Variants in CACNB2 observed in about 807,000 individuals in gnomAD.
CACNB2 encodes voltage-dependent L-type calcium channel subunit beta-2.
In CACNB2, 42 loss-of-function variants were observed where a neutral mutation model predicts 73.3. The observed-to-expected ratio is 0.57, with a 90% CI of 0.45 to 0.74. The LOEUF (loss-of-function observed/expected upper bound fraction) is 0.74. CACNB2 is among the 30% of genes least tolerant of loss of function. The pLI is 0.00. For synonymous variants in CACNB2, 348 were observed against 310.3 expected (o/e 1.12, Z -1.28); for missense variants, 940 against 853.0 (o/e 1.10, Z -1.27).
At chr10:18,378,185 C>T (rs1318878826) in intron 2 of CACNB2, among the ~76,000 whole-genome samples, 2 of 152,096 alleles carry the variant, frequency 1.3e-5, no homozygotes, top group East Asian at 3.9e-4. Context: ...CTCCCTAGAC[C>T]TGAATGCACA....
At chr10:18,353,341 C>G (rs2041788953) in intron 2 of CACNB2, among the ~76,000 whole-genome samples, 1 of 151,444 alleles carries the variant, frequency 6.6e-6, no homozygotes, top group Non-Finnish European at 1.5e-5. Flanking sequence ...ACCTGGGAGG[C>G]AGAGTTTGCA....
chr10:18,173,783 A>G (rs867653400), intron 2 of CACNB2, among the ~76,000 whole-genome samples: 4 of 152,152 alleles, frequency 2.6e-5, no homozygotes, highest in Non-Finnish European at 5.9e-5. Flanking sequence ...TTAAGTTTGT[A>G]TCTGGTGGTA....
intron 2 of CACNB2, among the ~76,000 whole-genome samples, chr10:18,286,720 A>G (rs1011407067): frequency 6.6e-6 from 1 of 152,150 alleles, no homozygotes; most frequent in African/African-American, 2.4e-5. Flanking sequence ...TGTGATTGTG[A>G]TATATGTGAA....
chr10:18,386,205 C>A (rs1050705099), intron 2 of CACNB2, among the ~76,000 whole-genome samples: 1 of 151,914 alleles, frequency 6.6e-6, no homozygotes, highest in Non-Finnish European at 1.5e-5. Flanking sequence ...AGCTTAAAAC[C>A]GTTTCTTTTT....
chr10:18,513,918 T>C (rs1311175493), intron 6 of CACNB2, among the ~76,000 whole-genome samples: 3 of 152,238 alleles, frequency 2.0e-5, no homozygotes, highest in Non-Finnish European at 2.9e-5. Context: ...TGCACTTTTA[T>C]ACAGTTGATA....
At chr10:18,286,151 A>G (rs1217100541) in intron 2 of CACNB2, among the ~76,000 whole-genome samples, 5 of 152,220 alleles carry the variant, frequency 3.3e-5, no homozygotes, top group Admixed American at 2.6e-4. Context: ...TAGCATGGAC[A>G]TTTTTAAACA....
intron 3 of CACNB2, among the ~76,000 whole-genome samples, chr10:18,428,616 G>A (rs1256772995): frequency 2.0e-5 from 3 of 151,606 alleles, no homozygotes; most frequent in African/African-American, 4.8e-5. Context: ...AATTCAGGAG[G>A]CAGAGTTTGT....
chr10:18,352,088 A>C (rs1043569771), intron 2 of CACNB2, among the ~76,000 whole-genome samples: 1 of 152,220 alleles, frequency 6.6e-6, no homozygotes, highest in Admixed American at 6.5e-5. Flanking sequence ...AATGCCCAAG[A>C]TGAATAGGCA....
rs118139841 is a variant in CACNB2, at chr10:18,530,838, G to T, written c.1054+3141G>T. Among the ~76,000 whole-genome samples, 585 of 152,214 alleles carry T rather than the reference G, an allele frequency of 3.8e-3. 20 individuals carry two copies. Among genetic ancestry groups the T allele is most frequent in the Admixed American group, 0.029 (442 of 15,282 alleles). On this transcript the variant is annotated intron_variant, in intron 10 of 13. Transcript: ENST00000324631. ...CCGTAATACAGATTAGAATACTTAG[G>T]TTCTAAGAGGTTCAATATGTTACCC... is the stretch of plus-strand genomic sequence containing the variant.
In CACNB2 at chr10:18,478,971, C is replaced by T. The variant is rs140491247; in HGVS notation, c.334-19384C>T. Among the ~76,000 whole-genome samples the T allele has an allele frequency of 7.9e-5, 12 of 152,070 alleles. No homozygotes were observed. In the East Asian group the frequency reaches 9.7e-4, roughly 12 times the overall value. On this transcript the variant is annotated intron_variant, in intron 3 of 13. Transcript: ENST00000324631. Reference sequence around the variant, plus strand: ...ACTCAGGAGGCTGAGTCGGGAGGATCGCTCTAAGCCCAGTAGTTCAAGGTT... The same window carrying T: ...ACTCAGGAGGCTGAGTCGGGAGGATTGCTCTAAGCCCAGTAGTTCAAGGTT...
intron 2 of CACNB2, among the ~76,000 whole-genome samples, chr10:18,212,591 AT>A (rs1253260225): frequency 6.6e-6 from 1 of 151,922 alleles, no homozygotes; most frequent in African/African-American, 2.4e-5. Flanking sequence ...TACTGCTAAT[AT>A]TTTTTTAAAT....
In CACNB2 at chr10:18,247,440, A is replaced by G. The variant is rs140816369; in HGVS notation, c.213+96465A>G. 5.1e-3 allele frequency among the ~76,000 whole-genome samples: 781 copies of G among 152,292 alleles called. 6 individuals carry two copies. Among genetic ancestry groups the G allele is most frequent in the Non-Finnish European group, 6.2e-3 (421 of 68,026 alleles). ...AATAGAACCAAGAGACAGAATAGTC[A>G]ATGTGTTAGTTTTCTTTAGAGTTGC... On this transcript the variant is annotated intron_variant, in intron 2 of 13. Transcript: ENST00000324631.
intron 2 of CACNB2, among the ~76,000 whole-genome samples, chr10:18,273,110 C>G (rs2038126962): frequency 6.6e-6 from 1 of 152,194 alleles, no homozygotes; most frequent in South Asian, 2.1e-4. Context: ...CAGGGCTGCT[C>G]TGAGAATTTC....
chr10:18,169,474 A>C (rs951082521), intron 2 of CACNB2, among the ~76,000 whole-genome samples: 1 of 152,228 alleles, frequency 6.6e-6, no homozygotes, highest in Non-Finnish European at 1.5e-5. Flanking sequence ...ATCTATTTAC[A>C]TTTTAAAATA....
At chr10:18,432,278 A>G (rs1332774262) in intron 3 of CACNB2, among the ~76,000 whole-genome samples, 1 of 152,212 alleles carries the variant, frequency 6.6e-6, no homozygotes, top group Non-Finnish European at 1.5e-5. Flanking sequence ...AAATGTGACA[A>G]CAAATCTGTC....
intron 3 of CACNB2, among the ~76,000 whole-genome samples, chr10:18,457,871 C>G (rs1398383289): frequency 2.7e-5 from 4 of 150,646 alleles, no homozygotes; most frequent in African/African-American, 9.8e-5. Context: ...GCCTGGGTGA[C>G]AAGAGCAAAA....
At chr10:18,399,440 A>G (rs2043879222) in intron 2 of CACNB2, among the ~76,000 whole-genome samples, 1 of 152,238 alleles carries the variant, frequency 6.6e-6, no homozygotes, top group Non-Finnish European at 1.5e-5. Flanking sequence ...ACTGATCACT[A>G]ACTTTCATTC....
intron 2 of CACNB2, among the ~76,000 whole-genome samples, chr10:18,393,141 G>A (rs1045650523): frequency 1.3e-5 from 2 of 151,228 alleles, no homozygotes; most frequent in Non-Finnish European, 2.9e-5. Context: ...CCCGGGAAGC[G>A]GAGATTGCAG....
intron 2 of CACNB2, among the ~76,000 whole-genome samples, chr10:18,169,933 G>A (rs998776167): frequency 1.3e-5 from 2 of 152,234 alleles, no homozygotes; most frequent in African/African-American, 4.8e-5. Flanking sequence ...TCATTGGGCA[G>A]CTGATGTCTT....
Sources: allele counts gnomAD v4.1 joint callset (sites outside exome capture counted in the v4.1 genomes callset), GRCh38; gene constraint gnomAD v4.1.1; transcripts MANE v1.5; gene names NCBI Gene and HGNC (gene_info 2026-07-23, HGNC 2026-07-21).